The following EHMT1 variants were observed in gnomAD, a reference collection of about 807,000 sequenced individuals.
The protein encoded by EHMT1 is euchromatic histone lysine methyltransferase 1.
In EHMT1, 15 loss-of-function variants were observed where a neutral mutation model predicts 147.2. The observed-to-expected ratio is 0.10, with a 90% CI of 0.07 to 0.16. The LOEUF (loss-of-function observed/expected upper bound fraction) is 0.16. Ranked by LOEUF, EHMT1 falls within the 10% of genes least tolerant of loss-of-function variation. The pLI is 1.00. For synonymous variants in EHMT1, 795 were observed against 709.6 expected, an observed-to-expected ratio of 1.12 and a Z score of -1.91; for missense variants, 1,587 against 1,772.4, an observed-to-expected ratio of 0.90 and a Z score of 1.88.
intron 25 of EHMT1, among the ~76,000 whole-genome samples, chr9:137,822,952 T>C (rs1955538511): frequency 6.6e-6 from 1 of 151,548 alleles, no homozygotes; most frequent in South Asian, 2.1e-4. Context: ...TTTATTGAGA[T>C]GGAGTTTCGC....
At chr9:137,664,156 C>T (rs1254126109) in intron 1 of EHMT1, among the ~76,000 whole-genome samples, 3 of 152,074 alleles carry the variant, frequency 2.0e-5, no homozygotes, top group Non-Finnish European at 4.4e-5. Context: ...CCTGCTGCCC[C>T]AGTCTCCCAA....
intron 1 of EHMT1, among the ~76,000 whole-genome samples, chr9:137,694,991 A>G (rs1943280311): frequency 6.6e-6 from 1 of 152,186 alleles, no homozygotes; most frequent in Non-Finnish European, 1.5e-5. Flanking sequence ...CTCTGACCTC[A>G]CACTCACCAG....
chr9:137,656,835 G>C (rs1276206826), intron 1 of EHMT1, among the ~76,000 whole-genome samples: 1 of 152,118 alleles, frequency 6.6e-6, no homozygotes, highest in African/African-American at 2.4e-5. Flanking sequence ...CTGTCTCCCA[G>C]GTTCAAGCGA....
intron 4 of EHMT1, among the ~76,000 whole-genome samples, chr9:137,736,965 G>A (rs1040439716): frequency 1.3e-5 from 2 of 152,046 alleles, no homozygotes; most frequent in African/African-American, 4.8e-5. Flanking sequence ...CACTTTGAGA[G>A]GCCACGGTGA....
At chr9:137,669,473 C>T (rs1243228103) in intron 1 of EHMT1, among the ~76,000 whole-genome samples, 15 of 118,280 alleles carry the variant, frequency 1.3e-4, no homozygotes, top group East Asian at 7.5e-4. Flanking sequence ...CCAAGACGCC[C>T]CCCACAGCAC....
chr9:137,687,639 A>C (rs995771280), intron 1 of EHMT1, among the ~76,000 whole-genome samples: 1 of 152,188 alleles, frequency 6.6e-6, no homozygotes, highest in Admixed American at 6.5e-5. Context: ...TTAGTGCCTT[A>C]GAAAAGAGGC....
intron 8 of EHMT1, 112 bp downstream of exon 8, chr9:137,754,403 C>T: frequency 1.4e-6 from 2 of 1,436,282 alleles, no homozygotes; most frequent in South Asian, 1.3e-5. Flanking sequence ...GAGGGCATCA[C>T]TGTTTAAAAA....
intron 1 of EHMT1, chr9:137,641,100 A>T: frequency 3.4e-6 from 1 of 297,548 alleles, no homozygotes; most frequent in Non-Finnish European, 6.6e-6. Flanking sequence ...TTGGGAACCA[A>T]GGAGCACTGT....
At chr9:137,633,496 C>T (rs1484830922) in intron 1 of EHMT1, among the ~76,000 whole-genome samples, 2 of 152,130 alleles carry the variant, frequency 1.3e-5, no homozygotes, top group Non-Finnish European at 2.9e-5. Flanking sequence ...AAAATGTCTT[C>T]ACACCGATAG....
intron 1 of EHMT1, among the ~76,000 whole-genome samples, chr9:137,669,190 A>AAG (rs1423645328): frequency 6.6e-6 from 1 of 152,060 alleles, no homozygotes; most frequent in Non-Finnish European, 1.5e-5. Context: ...CCCGGCCTAG[A>AAG]AGTAGGTTCT....
intron 1 of EHMT1, chr9:137,697,111 T>A (rs1370276210): frequency 1.8e-5 from 7 of 399,192 alleles, no homozygotes; most frequent in Non-Finnish European, 3.1e-5. Flanking sequence ...TAAAACCCTG[T>A]CTCTACTAAA....
Position 137,776,963 on chromosome 9 carries a change from G to T in EHMT1, c.2018+119G>T. On this transcript the variant is annotated intron_variant, in intron 12 of 26. Transcript: ENST00000460843. The surrounding 1 kb of genome is among the most constrained non-coding windows in gnomAD (Gnocchi z 4.4). Reference sequence around the variant, plus strand: ...CAGAAGTCTCTGAGCTGATGCTGATGCTTATGGTGATTTCTGACATTTAAG... The same window carrying T: ...CAGAAGTCTCTGAGCTGATGCTGATTCTTATGGTGATTTCTGACATTTAAG... The T allele has an allele frequency of 3.3e-6, 3 of 904,930 alleles. No homozygotes were observed. The South Asian group carries it at 4.6e-5, about 14-fold the overall frequency. The allele number at this position is 904,930 out of a possible 1,614,324, so 56.1% of individuals were successfully genotyped here.
chr9:137,712,817 G>C (rs973957089), intron 2 of EHMT1, among the ~76,000 whole-genome samples: 2 of 151,980 alleles, frequency 1.3e-5, no homozygotes, highest in Non-Finnish European at 2.9e-5. Flanking sequence ...TTAGTTGCTG[G>C]TGCTTTTGGT....
At chr9:137,744,389 A>G (rs1948374068) in intron 6 of EHMT1, among the ~76,000 whole-genome samples, 1 of 151,728 alleles carries the variant, frequency 6.6e-6, no homozygotes, top group East Asian at 1.9e-4. Context: ...TGGCACGATC[A>G]TAGCTCACTG....
At chr9:137,763,911 C>A (rs1378242561) in intron 10 of EHMT1, 1 of 152,384 alleles carries the variant, frequency 6.6e-6, no homozygotes, top group Non-Finnish European at 1.5e-5. Context: ...TGGGCAACAC[C>A]CGGGAGGAGC....
At chr9:137,831,059 C>T (rs972596511) in intron 25 of EHMT1, among the ~76,000 whole-genome samples, 7 of 152,130 alleles carry the variant, frequency 4.6e-5, no homozygotes, top group Non-Finnish European at 1.5e-5. Context: ...TGTGTCCCCA[C>T]GTGGTGGAGG....
In EHMT1 at chr9:137,768,181, C is replaced by T. The variant is rs181262592; in HGVS notation, c.1647+5361C>T. On this transcript the variant is annotated intron_variant, in intron 10 of 26. Coordinates refer to ENST00000460843, the MANE Select transcript of EHMT1 (RefSeq NM_024757.5). ...CAGTGACACATTTCCCAGAACACAC[C>T]GTGTTGTTACGTGAGACATGACTGC... 2.0e-5 allele frequency among the ~76,000 whole-genome samples: 3 copies of T among 152,098 alleles called. No homozygotes were observed. The East Asian group carries it at 5.8e-4, about 29-fold the overall frequency.
chr9:137,700,602 T>C (rs1943750984), intron 1 of EHMT1, among the ~76,000 whole-genome samples: 1 of 152,188 alleles, frequency 6.6e-6, no homozygotes, highest in Admixed American at 6.5e-5. Flanking sequence ...GATTTGTTGC[T>C]GTTGTGACCC....
intron 3 of EHMT1, among the ~76,000 whole-genome samples, chr9:137,717,626 A>AAG (rs1554847272): frequency 7.1e-6 from 1 of 140,254 alleles, no homozygotes; most frequent in Non-Finnish European, 1.5e-5. Context: ...AAAAAAAAAA[A>AAG]GAGATGCTGC....
Sources: gnomAD v4.1 joint callset for allele counts (sites outside exome capture counted in the v4.1 genomes callset) on GRCh38, gnomAD v4.1.1 for gene constraint, Gnocchi (gnomAD v3.1) non-coding constraint, MANE v1.5 for transcripts, NCBI Gene and HGNC (gene_info 2026-07-23, HGNC 2026-07-21) for gene names.